SHE: variants seen among roughly 807,000 people sequenced by gnomAD.
SHE encodes Src homology 2 domain containing E, also known as SH2 domain-containing adapter protein E.
Under a neutral mutation model 49.8 loss-of-function variants are expected in SHE, and 11 were observed. That is an observed-to-expected ratio of 0.22 (90% CI 0.14 to 0.37). SHE has a LOEUF of 0.37. Among genes scored for constraint, SHE ranks in the 10% least tolerant of loss-of-function variants. The pLI is 1.00. For synonymous variants in SHE, 310 were observed against 278.1 expected, an observed-to-expected ratio of 1.11 and a Z score of -1.14; for missense variants, 624 against 655.5, an observed-to-expected ratio of 0.95 and a Z score of 0.52.
At chr1:154,485,768 C>T (rs1241342532) in intron 5 of SHE, 175 bp downstream of exon 5, 4 of 619,358 alleles carry the variant, frequency 6.5e-6, no homozygotes. Flanking sequence ...TTACCCAATA[C>T]CAATTTTGCA....
intron 2 of SHE, among the ~76,000 whole-genome samples, chr1:154,491,660 A>G (rs1042246976): frequency 6.6e-6 from 1 of 152,234 alleles, no homozygotes; most frequent in Admixed American, 6.5e-5. Context: ...ACTGTAGGAC[A>G]TATCATTGTG....
Position 154,489,219 on chromosome 1 carries a change from G to T in SHE, c.856C>A (p.Pro286Thr). The T allele has an allele frequency of 6.2e-7, 1 of 1,614,220 alleles. No individual in the cohort carries two copies. Among genetic ancestry groups the T allele is most frequent in the Non-Finnish European group, 8.5e-7 (1 of 1,180,032 alleles). ...RRSSKDLLGK[P>T]PQLYDTPYEP... is the part of the protein sequence containing the mutation. ...TAGGGAGTGTCGTATAGCTGTGGCG[G>T]CTTCCCCAGGAGGTCCTTGGAACTC... The change falls in exon 3 of 6, where the codon CCG (proline) becomes ACG (threonine). Residue 286 changes from proline (P) to threonine (T), a missense_variant. By Grantham distance (38) the Pro-to-Thr change is conservative. This residue lies in a region of SHE where 155 missense variants were observed against 142.0 expected (regional missense o/e 1.09). Transcript: ENST00000304760.
At chr1:154,491,241 T>C (rs920829447) in intron 2 of SHE, among the ~76,000 whole-genome samples, 1 of 152,230 alleles carries the variant, frequency 6.6e-6, no homozygotes, top group Non-Finnish European at 1.5e-5. Flanking sequence ...GACTGTTTAC[T>C]TAAGAAGTGA....
downstream of SHE, among the ~76,000 whole-genome samples, chr1:154,477,571 A>G (rs944783193): frequency 2.0e-5 from 3 of 152,072 alleles, no homozygotes; most frequent in African/African-American, 7.2e-5. Flanking sequence ...TGTGCACCCA[A>G]TCTCCAGGAC....
At chr1:154,477,051 T>C (rs1691893816), downstream of SHE, among the ~76,000 whole-genome samples, 1 of 152,230 alleles carries the variant, frequency 6.6e-6, no homozygotes, top group African/African-American at 2.4e-5. Context: ...AGAGCTTAAA[T>C]GACCTTCAGG....
intron 3 of SHE, among the ~76,000 whole-genome samples, chr1:154,486,996 G>A (rs188603366): frequency 1.4e-4 from 21 of 152,232 alleles, no homozygotes; most frequent in African/African-American, 4.3e-4. Context: ...TTTTGTGGCC[G>A]GGCACGGTGG....
At chr1:154,476,215 G>A (rs920953010), downstream of SHE, among the ~76,000 whole-genome samples, 7 of 152,206 alleles carry the variant, frequency 4.6e-5, no homozygotes, top group East Asian at 1.9e-4. Context: ...GTATGGTGGC[G>A]CACACCTGTG....
intron 2 of SHE, among the ~76,000 whole-genome samples, chr1:154,490,481 T>TC (rs1018567853): frequency 1.3e-5 from 2 of 152,204 alleles, no homozygotes; most frequent in African/African-American, 4.8e-5. Context: ...GAAGCTATAC[T>TC]CTTAGCCACT....
At chr1:154,496,881 AAAGAT>A (rs1375805026) in intron 2 of SHE, among the ~76,000 whole-genome samples, 1 of 152,216 alleles carries the variant, frequency 6.6e-6, no homozygotes, top group African/African-American at 2.4e-5. Flanking sequence ...AGTTAAAGAG[AAAGAT>A]AAGAATAAAA....
In SHE at chr1:154,501,535, G is replaced by A; in HGVS notation, c.492C>T (p.Ser164=). ...EKNGKSNYPS[S]SSSSSSSSSS... ...AAGAGGAGCTGGAGCTGGAGCTACT[G>A]CTGCTGGGGTAGTTGCTCTTCCCGT... The change falls in exon 1 of 6, where the codon AGC becomes AGT. Residue 164 remains serine, a synonymous_variant. Coordinates refer to ENST00000304760, the MANE Select transcript of SHE (RefSeq NM_001010846.3). 6.2e-7 allele frequency: 1 copy of A among 1,614,180 alleles called. No homozygotes were observed. Among genetic ancestry groups the A allele is most frequent in the Non-Finnish European group, 8.5e-7 (1 of 1,180,002 alleles).
rs1692027592 is a variant in SHE, at chr1:154,481,884, C to T, written c.*2265G>A. 11 of 786,630 alleles carry T rather than the reference C, an allele frequency of 1.4e-5. No homozygotes were observed. The highest frequency in any genetic ancestry group is 6.6e-4 in the Middle Eastern group (1 of 1,506). The allele number at this position is 786,630 out of a possible 1,614,324, so 48.7% of individuals were successfully genotyped here. ...TTGCTTGTTGAGACAGGGTCTCACT[C>T]TGTCACTCAGGCTGGAGTGCAATGG... On this transcript the variant is annotated 3_prime_UTR_variant, in exon 6 of 6. Transcript: ENST00000304760.
intron 2 of SHE, among the ~76,000 whole-genome samples, chr1:154,496,770 A>AC (rs1438657855): frequency 1.1e-4 from 17 of 151,678 alleles, no homozygotes; most frequent in Non-Finnish European, 1.9e-4. Context: ...AAACAAAAAA[A>AC]CCCCCCAAAA....
chr1:154,478,934 A>C (rs138045820), downstream of SHE, among the ~76,000 whole-genome samples: 33 of 152,296 alleles, frequency 2.2e-4, no homozygotes, highest in African/African-American at 7.7e-4. Context: ...GGAGGGGAAA[A>C]CTTTTTGATA....
downstream of SHE, chr1:154,479,368 AT>A (rs1691960987): frequency 3.1e-6 from 1 of 321,832 alleles, no homozygotes; most frequent in Non-Finnish European, 4.5e-6. Context: ...GTGTTTCTAT[AT>A]TTCATTAATG....
Position 154,483,973 on chromosome 1 carries a change from G to A in SHE, c.*176C>T. The A allele has an allele frequency of 1.4e-6, 2 of 1,409,044 alleles. No homozygotes were observed. The highest frequency in any genetic ancestry group is 3.2e-5 in the South Asian group (2 of 62,402). The allele number at this position is 1,409,044 out of a possible 1,614,324, so 87.3% of individuals were successfully genotyped here. A position where few individuals can be genotyped will look rare whatever the true frequency, so the allele number is the denominator to read the frequency against. ...AGATTGCGCCATTGCACTCCAGCCTGGGCAACACAGCGAGACTTCGTCTCA... is the reference window on the plus strand; with the variant it reads ...AGATTGCGCCATTGCACTCCAGCCTAGGCAACACAGCGAGACTTCGTCTCA... On this transcript the variant is annotated 3_prime_UTR_variant, in exon 6 of 6. Transcript: ENST00000304760.
chr1:154,478,773 C>G (rs1489805739), downstream of SHE, among the ~76,000 whole-genome samples: 5 of 152,176 alleles, frequency 3.3e-5, no homozygotes, highest in Admixed American at 6.5e-5. Context: ...TCTAATTGCT[C>G]GGGTGGTGGG....
At chr1:154,490,013 C>T (rs1692314925) in intron 2 of SHE, among the ~76,000 whole-genome samples, 1 of 152,232 alleles carries the variant, frequency 6.6e-6, no homozygotes, top group African/African-American at 2.4e-5. Context: ...ATGCATATCA[C>T]TTTTGCACCA....
intron 1 of SHE, among the ~76,000 whole-genome samples, chr1:154,473,175 T>C (rs914340094): frequency 2.0e-5 from 3 of 152,032 alleles, no homozygotes; most frequent in Non-Finnish European, 2.9e-5. Flanking sequence ...ATTTTTTGTA[T>C]TTTTAGTAGA....
chr1:154,484,430 G>A, intron 5 of SHE, 95 bp from the exon 6 acceptor site: 1 of 1,017,978 alleles, frequency 9.8e-7, no homozygotes, highest in Non-Finnish European at 1.5e-6. Context: ...AGGTTGATAG[G>A]TTCTCATCCA....
Sources: gnomAD v4.1 joint callset for allele counts (sites outside exome capture counted in the v4.1 genomes callset) on GRCh38, gnomAD v4.1.1 for gene constraint, gnomAD v4.1.1 regional missense constraint, MANE v1.5 for transcripts, NCBI Gene and HGNC (gene_info 2026-07-23, HGNC 2026-07-21) for gene names.